Variants in ARHGAP17 observed in about 807,000 individuals in gnomAD.
ARHGAP17 encodes the protein rho GTPase-activating protein 17.
Under a neutral mutation model 99.5 loss-of-function variants are expected in ARHGAP17, and 57 were observed. The ratio of observed to expected loss-of-function variants is 0.57; its 90% CI spans 0.46 to 0.71. The LOEUF (loss-of-function observed/expected upper bound fraction) is 0.71, where lower values mean the gene tolerates loss of function less well. Ranked by LOEUF, ARHGAP17 falls within the 30% of genes least tolerant of loss-of-function variation. The pLI, the probability that ARHGAP17 is intolerant of heterozygous loss-of-function variation, is 0.00. For missense variants in ARHGAP17, 1,000 were observed against 1,122.4 expected (o/e 0.89, Z 1.56); for synonymous variants, 417 against 429.6 (o/e 0.97, Z 0.36).
chr16:24,983,044 A>G (rs13332252), intron 1 of ARHGAP17, among the ~76,000 whole-genome samples: 29,770 of 105,016 alleles, frequency 0.28, 5,696 homozygotes, highest in East Asian at 0.49. Flanking sequence ...TCGTTCTGTC[A>G]CCCAGGCTGG....
chr16:24,935,536 A>G lies in ARHGAP17; in HGVS notation c.1828T>C (p.Ser610Pro). The change falls in exon 18 of 20, where the codon TCC (serine) becomes CCC (proline). Residue 610 changes from serine (S) to proline (P), a missense_variant. Ser to Pro is a moderately conservative substitution (Grantham distance 74). Around this residue, in one of 2 missense-constraint regions of ARHGAP17, gnomAD observed 528 missense variants for 511.4 expected, o/e 1.03. Transcript: ENST00000289968. Reference sequence around the variant, plus strand: ...GGTTGGCCCATGGAGAGCTGGTGGGAGCCAGCAGCTGCCTGGGGCTGATTT... The same window carrying G: ...GGTTGGCCCATGGAGAGCTGGTGGGGGCCAGCAGCTGCCTGGGGCTGATTT... The part of the protein sequence containing the change: ...GQNQPQAAAG[S>P]HQLSMGQPHN... The G allele has an allele frequency of 6.2e-7, 1 of 1,613,572 alleles. No homozygotes were observed. Among genetic ancestry groups the G allele is most frequent in the Non-Finnish European group, 8.5e-7 (1 of 1,179,900 alleles).
At chr16:24,969,813 C>A (rs965224088) in intron 4 of ARHGAP17, among the ~76,000 whole-genome samples, 1 of 152,020 alleles carries the variant, frequency 6.6e-6, no homozygotes, top group Non-Finnish European at 1.5e-5. Context: ...GGAATGGTGA[C>A]GAATGGGAGG....
At chr16:24,958,169 C>T (rs868857020) in intron 9 of ARHGAP17, among the ~76,000 whole-genome samples, 7 of 152,096 alleles carry the variant, frequency 4.6e-5, no homozygotes, top group South Asian at 2.1e-4. Context: ...AGGGAAAATA[C>T]CCTTGGGAAA....
chr16:25,003,886 G>C (rs779337720), intron 1 of ARHGAP17, among the ~76,000 whole-genome samples: 14 of 152,092 alleles, frequency 9.2e-5, no homozygotes, highest in Non-Finnish European at 1.3e-4. Flanking sequence ...GCAACCAGGG[G>C]CTGTGAATTT....
intron 19 of ARHGAP17, among the ~76,000 whole-genome samples, chr16:24,925,261 C>T (rs150532251): frequency 6.6e-6 from 1 of 152,308 alleles, no homozygotes; most frequent in Non-Finnish European, 1.5e-5. Flanking sequence ...TGCCTATAAT[C>T]CCAGCTACTT....
chr16:24,947,237 C>G (rs978624360), intron 14 of ARHGAP17, among the ~76,000 whole-genome samples: 1 of 151,794 alleles, frequency 6.6e-6, no homozygotes, highest in African/African-American at 2.4e-5. Context: ...ACTGAGCTAT[C>G]TGACTGCCTA....
At chr16:25,009,784 T>C (rs940712993) in intron 1 of ARHGAP17, among the ~76,000 whole-genome samples, 7 of 152,180 alleles carry the variant, frequency 4.6e-5, no homozygotes, top group Admixed American at 1.3e-4. Flanking sequence ...GATGACCTCT[T>C]TGATCTCTGG....
intron 1 of ARHGAP17, among the ~76,000 whole-genome samples, chr16:25,010,753 C>A (rs954780932): frequency 2.3e-4 from 35 of 152,248 alleles, no homozygotes; most frequent in African/African-American, 8.2e-4. Flanking sequence ...AGGTGGTCCA[C>A]ACTGGGCCTA....
chr16:24,923,780 G>A (rs904880017), intron 19 of ARHGAP17, among the ~76,000 whole-genome samples: 1 of 149,396 alleles, frequency 6.7e-6, no homozygotes, highest in Non-Finnish European at 1.5e-5. Flanking sequence ...CCAGTAACCA[G>A]CCTCAGCCCA....
chr16:24,957,258 T>TG (rs1293057018), intron 9 of ARHGAP17: 1 of 152,386 alleles, frequency 6.6e-6, no homozygotes, highest in Non-Finnish European at 1.5e-5. Context: ...GGAAGAGGAC[T>TG]GGTTTGCTTT....
chr16:24,976,159 C>T (rs775338735), intron 3 of ARHGAP17, among the ~76,000 whole-genome samples: 8 of 152,192 alleles, frequency 5.3e-5, no homozygotes, highest in Non-Finnish European at 7.3e-5. Flanking sequence ...TGTAACTCCA[C>T]ACAAATCAAT....
At chr16:25,006,016 T>C (rs1426539838) in intron 1 of ARHGAP17, among the ~76,000 whole-genome samples, 2 of 152,090 alleles carry the variant, frequency 1.3e-5, no homozygotes, top group African/African-American at 4.8e-5. Context: ...GAAAAAGTAA[T>C]TTAGAGGTGA....
chr16:24,958,688 A>T (rs1009174317), intron 9 of ARHGAP17, among the ~76,000 whole-genome samples: 3 of 152,192 alleles, frequency 2.0e-5, no homozygotes, highest in African/African-American at 7.2e-5. Context: ...ATCTCCTGGA[A>T]CTTAGGGGGA....
At chr16:24,930,047 C>A (rs2050942007) in intron 19 of ARHGAP17, among the ~76,000 whole-genome samples, 1 of 152,144 alleles carries the variant, frequency 6.6e-6, no homozygotes. Context: ...TAAATTAGAG[C>A]ATTTGGGATG....
At chr16:24,945,132 T>C (rs946359879) in intron 14 of ARHGAP17, among the ~76,000 whole-genome samples, 2 of 151,864 alleles carry the variant, frequency 1.3e-5, no homozygotes, top group African/African-American at 4.8e-5. Context: ...AAGACCAGCC[T>C]GGACAACATA....
chr16:25,014,036 C>A (rs2053714352), intron 1 of ARHGAP17: 1 of 151,842 alleles, frequency 6.6e-6, no homozygotes, highest in Non-Finnish European at 1.5e-5. Flanking sequence ...ATTCTCACCA[C>A]AATAATACGG....
chr16:24,957,157 A>C (rs1223765014), intron 9 of ARHGAP17: 1 of 152,530 alleles, frequency 6.6e-6, no homozygotes. Flanking sequence ...GAAGAGAGGA[A>C]GGAGAAAAGG....
rs1001629296 is a variant in ARHGAP17 at position 24,970,568 on chromosome 16, G to C, written c.211C>G (p.Leu71Val). The change falls in exon 4 of 20, where the codon CTG becomes GTG. Residue 71 changes from leucine (L) to valine (V), a missense_variant. Leu to Val is a conservative substitution (Grantham distance 32). Around this residue, in one of 2 missense-constraint regions of ARHGAP17, gnomAD observed 472 missense variants for 611.1 expected, o/e 0.77. Transcript: ENST00000289968. ...TGCATATTTTGAGCAAGAGCTGTCAGAGGCAGTTTTTTCTGGAAGATAGAA... is the reference window on the plus strand; with the variant it reads ...TGCATATTTTGAGCAAGAGCTGTCACAGGCAGTTTTTTCTGGAAGATAGAA... ...DAERRHKKLP[L>V]TALAQNMQEA... 1.9e-6 allele frequency: 3 copies of C among 1,614,170 alleles called. No individual in the cohort carries two copies. Among genetic ancestry groups the C allele is most frequent in the Non-Finnish European group, 2.5e-6 (3 of 1,179,976 alleles).
At chr16:24,949,376 A>G (rs760102040) in intron 13 of ARHGAP17, 28 bp downstream of exon 13, 26 of 1,585,034 alleles carry the variant, frequency 1.6e-5, no homozygotes, top group Middle Eastern at 3.3e-4. Context: ...TCTTCACTCC[A>G]GAGTCATTGT....
Sources: allele counts gnomAD v4.1 joint callset (sites outside exome capture counted in the v4.1 genomes callset), GRCh38; gene constraint gnomAD v4.1.1; regional missense constraint gnomAD v4.1.1; transcripts MANE v1.5; gene names NCBI Gene and HGNC (gene_info 2026-07-23, HGNC 2026-07-21).